Variants in TMEM164 observed in about 807,000 individuals in gnomAD.
The protein encoded by TMEM164 is RP13-360B22.2.
Under a neutral mutation model 18.8 loss-of-function variants are expected in TMEM164, and 4 were observed. That is an observed-to-expected ratio of 0.21 (90% CI 0.10 to 0.49). The LOEUF (loss-of-function observed/expected upper bound fraction) is 0.49, where lower values mean the gene tolerates loss of function less well. Ranked by LOEUF, TMEM164 falls within the 20% of genes least tolerant of loss-of-function variation. TMEM164 has a pLI of 0.98. For synonymous variants in TMEM164, 86 were observed against 101.7 expected, an observed-to-expected ratio of 0.85 and a Z score of 0.93; for missense variants, 108 against 239.9, an observed-to-expected ratio of 0.45 and a Z score of 3.63.
chrX:110,116,823 TG>T (rs1244048890), intron 4 of TMEM164, among the ~76,000 whole-genome samples: 3 of 63,142 alleles, frequency 4.8e-5, no homozygotes, highest in African/African-American at 1.7e-4. Context: ...GCCACTCCCT[TG>T]TGTGTGTGTG....
rs757884352 is a variant in TMEM164, at chrX:110,054,814, A to G, written c.391-12533A>G. 8.9e-5 allele frequency among the ~76,000 whole-genome samples: 10 copies of G among 112,021 alleles called. No individual in the cohort carries two copies. The South Asian group carries it at 1.9e-3, about 21-fold the overall frequency. ...AGTGGATTGGGTCACACTCCCCAAC[A>G]TTACAAAACACTTCTTAATAAATCA... On this transcript the variant is annotated intron_variant, in intron 2 of 6. Transcript: ENST00000372068.
chrX:110,134,302 C>T (rs1476220885), intron 4 of TMEM164, among the ~76,000 whole-genome samples: 3 of 110,890 alleles, frequency 2.7e-5, no homozygotes, highest in African/African-American at 9.8e-5. Context: ...GTAATCGCAG[C>T]ACTTTGGGAG....
At chrX:110,085,004 T>C (rs2065829848) in intron 3 of TMEM164, among the ~76,000 whole-genome samples, 1 of 111,109 alleles carries the variant, frequency 9.0e-6, no homozygotes, top group Non-Finnish European at 1.9e-5. Context: ...ACCTGTTTCA[T>C]AGAGTCCATG....
intron 5 of TMEM164, among the ~76,000 whole-genome samples, chrX:110,166,040 A>G (rs2067154880): frequency 8.9e-6 from 1 of 112,231 alleles, no homozygotes; most frequent in Admixed American, 9.4e-5. Context: ...AAGGCTCTTC[A>G]TGACCCAGCC....
At chrX:110,143,697 C>A (rs1165384204) in intron 4 of TMEM164, among the ~76,000 whole-genome samples, 5 of 110,434 alleles carry the variant, frequency 4.5e-5, no homozygotes, top group African/African-American at 1.7e-4. Context: ...CCTGTAACTG[C>A]CTCCTCTCAT....
At position 110,084,379 on chromosome X, in the gene TMEM164, T is replaced by TATATATATA. The variant is rs1228632082; in HGVS notation, c.440+16983_440+16984insATATATATA. Among the ~76,000 whole-genome samples, 4 of 35,629 alleles carry TATATATATA rather than the reference T, an allele frequency of 1.1e-4. 1 individual carries two copies. Among genetic ancestry groups the TATATATATA allele is most frequent in the African/African-American group, 6.9e-4 (4 of 5,770 alleles). The allele number at this position is 35,629 out of a possible 115,157, so 30.9% of individuals were successfully genotyped here. A position where few individuals can be genotyped will look rare whatever the true frequency, so the allele number is the denominator to read the frequency against. ...TATATATAGTATAGTATATATATAG[T>TATATATATA]GTATATATATATAGTATAGTATATA... On this transcript the variant is annotated intron_variant, in intron 3 of 6. Transcript: ENST00000372068.
intron 3 of TMEM164, among the ~76,000 whole-genome samples, chrX:110,085,733 A>C (rs1398514280): frequency 9.0e-6 from 1 of 111,508 alleles, no homozygotes; most frequent in Non-Finnish European, 1.9e-5. Context: ...TCTGAACCAG[A>C]TAAACTATGT....
chrX:110,175,570 T>G lies in TMEM164; in HGVS notation c.*2119T>G, dbSNP rs1182387971. 1 of 191,525 alleles carries G rather than the reference T, an allele frequency of 5.2e-6. No homozygotes were observed. The highest frequency in any genetic ancestry group is 9.3e-5 in the Admixed American group (1 of 10,806). 15.8% of individuals were successfully genotyped at this position (191,525 alleles called of 1,213,427 possible). ...CTCTGTCTACAGCTTAGTACCCCAT[T>G]CTGGAGGGCACTTTCTGGTGCTTGG... is the stretch of plus-strand genomic sequence containing the variant. On this transcript the variant is annotated 3_prime_UTR_variant, in exon 7 of 7. Coordinates refer to ENST00000372068, the MANE Select transcript of TMEM164 (RefSeq NM_032227.4).
At chrX:110,074,205 G>C (rs1169367355) in intron 3 of TMEM164, among the ~76,000 whole-genome samples, 1 of 111,501 alleles carries the variant, frequency 9.0e-6, no homozygotes, top group Non-Finnish European at 1.9e-5. Flanking sequence ...GCATTTCTCT[G>C]TTAGTGATAA....
chrX:110,152,046 C>A (rs866746025), intron 5 of TMEM164, among the ~76,000 whole-genome samples: 2 of 90,048 alleles, frequency 2.2e-5, no homozygotes, highest in Admixed American at 2.3e-4. Flanking sequence ...TTTTTTTTTT[C>A]TTTTCTTTTC....
At chrX:110,085,118 T>C (rs1410781324) in intron 3 of TMEM164, among the ~76,000 whole-genome samples, 6 of 109,380 alleles carry the variant, frequency 5.5e-5, no homozygotes, top group Admixed American at 4.0e-4. Context: ...GTCAGAGTGA[T>C]ATGCATTTTC....
At chrX:110,145,258 G>T (rs762934222) in intron 5 of TMEM164, among the ~76,000 whole-genome samples, 18 of 111,285 alleles carry the variant, frequency 1.6e-4, no homozygotes, top group African/African-American at 5.6e-4. Context: ...AAAGCACTCG[G>T]TCCCCTCAAG....
intron 4 of TMEM164, among the ~76,000 whole-genome samples, chrX:110,120,266 A>G (rs2066430430): frequency 9.0e-6 from 1 of 111,503 alleles, no homozygotes; most frequent in Non-Finnish European, 1.9e-5. Context: ...ATTAGAAGGA[A>G]CAGCGTCTGG....
chrX:110,082,599 A>T (rs2065776025), intron 3 of TMEM164, among the ~76,000 whole-genome samples: 1 of 111,317 alleles, frequency 9.0e-6, no homozygotes, highest in East Asian at 2.8e-4. Flanking sequence ...TAGGGAACCG[A>T]CCCAGTCCCA....
rs1319703937 is a variant in TMEM164 at position 110,174,324 on chromosome X, T to G, written c.*873T>G. 9.1e-6 allele frequency: 1 copy of G among 109,479 alleles called. No individual in the cohort carries two copies. Among genetic ancestry groups the G allele is most frequent in the African/African-American group, 3.3e-5 (1 of 29,944 alleles). The allele number at this position is 109,479 out of a possible 1,213,427, so 9.0% of individuals were successfully genotyped here. On this transcript the variant is annotated 3_prime_UTR_variant, in exon 7 of 7. Transcript: ENST00000372068. Reference sequence around the variant, plus strand: ...TAATAGATACCATTTTAATCTTGAGTGCCCCTTAAATGTGTTCCCTCTCCC... The same window carrying G: ...TAATAGATACCATTTTAATCTTGAGGGCCCCTTAAATGTGTTCCCTCTCCC...
At chrX:110,110,472 C>T (rs1015330820) in intron 4 of TMEM164, among the ~76,000 whole-genome samples, 3 of 112,036 alleles carry the variant, frequency 2.7e-5, no homozygotes, top group Non-Finnish European at 3.8e-5. Flanking sequence ...AACACTGATG[C>T]GCTGCCCCAC....
At chrX:110,126,232 G>A (rs1222459003) in intron 4 of TMEM164, among the ~76,000 whole-genome samples, 2 of 111,894 alleles carry the variant, frequency 1.8e-5, no homozygotes, top group East Asian at 5.6e-4. Flanking sequence ...GCTGCCCTCT[G>A]GGGACAGATA....
At position 110,078,140 on chromosome X, in the gene TMEM164, A is replaced by G. The variant is rs140318285; in HGVS notation, c.440+10744A>G. 1.8e-4 allele frequency among the ~76,000 whole-genome samples: 20 copies of G among 111,524 alleles called. No individual in the cohort carries two copies. In the East Asian group the frequency reaches 5.6e-3, roughly 31 times the overall value. On this transcript the variant is annotated intron_variant, in intron 3 of 6. Coordinates refer to ENST00000372068, the MANE Select transcript of TMEM164 (RefSeq NM_032227.4). ...ATTACATAATCCCATATATCTTGAA[A>G]CTTTTGCTCATTTTTAAAAATTCTT...
At chrX:110,045,567 T>A (rs1464361052) in intron 2 of TMEM164, among the ~76,000 whole-genome samples, 1 of 111,891 alleles carries the variant, frequency 8.9e-6, no homozygotes, top group Non-Finnish European at 1.9e-5. Context: ...CCTCCCTGGC[T>A]TAGGTTGATT....
Sources: gnomAD v4.1 joint callset for allele counts (sites outside exome capture counted in the v4.1 genomes callset) on GRCh38, gnomAD v4.1.1 for gene constraint, MANE v1.5 for transcripts, NCBI Gene and HGNC (gene_info 2026-07-23, HGNC 2026-07-21) for gene names.